USP34: variants seen among roughly 807,000 people sequenced by gnomAD.
USP34 encodes ubiquitin carboxyl-terminal hydrolase 34.
USP34 carries 70 observed loss-of-function variants against 460.3 expected under a neutral mutation model. The observed-to-expected ratio is 0.15, with a 90% CI of 0.13 to 0.19. The LOEUF is 0.19. USP34 is among the 10% of genes least tolerant of loss of function. The pLI, the probability that USP34 is intolerant of heterozygous loss-of-function variation, is 1.00. For synonymous variants in USP34, 1,647 were observed against 1,405.3 expected (o/e 1.17, Z -3.85); for missense variants, 3,985 against 4,236.2 (o/e 0.94, Z 1.65).
chr2:61,395,822 T>G (rs1693505804), intron 3 of USP34, among the ~76,000 whole-genome samples: 1 of 150,664 alleles, frequency 6.6e-6, no homozygotes, highest in African/African-American at 2.4e-5. Context: ...TCCCAGCACT[T>G]TGGGAGGCCG....
intron 39 of USP34, 61 bp downstream of exon 39, chr2:61,280,183 G>A: frequency 1.0e-6 from 1 of 993,202 alleles, no homozygotes; most frequent in Non-Finnish European, 1.5e-6. Context: ...ATGAACATAT[G>A]TCATAATTCA....
Position 61,228,854 on chromosome 2 carries a change from G to A in USP34, c.7341C>T (p.Tyr2447=), listed in dbSNP as rs1158362998. Residue 2447 remains tyrosine, a synonymous_variant, in exon 60 of 80, where the codon TAC becomes TAT. Transcript: ENST00000398571. ...KHLTEYFAFL[Y]EFAKMGEEES... Reference sequence around the variant, plus strand: ...CTTCTTCACCCATTTTTGCAAATTCGTAAAGGAAGGCAAAATACTCTGTAA... The same window carrying A: ...CTTCTTCACCCATTTTTGCAAATTCATAAAGGAAGGCAAAATACTCTGTAA... 12 of 1,595,752 alleles carry A rather than the reference G, an allele frequency of 7.5e-6. No homozygotes were observed. Among genetic ancestry groups the A allele is most frequent in the Admixed American group, 5.3e-5 (3 of 56,218 alleles).
chr2:61,351,697 T>C (rs1691947554), intron 10 of USP34, among the ~76,000 whole-genome samples: 1 of 152,178 alleles, frequency 6.6e-6, no homozygotes, highest in Admixed American at 6.5e-5. Context: ...AGGGTAAATA[T>C]GCACAACCTA....
At chr2:61,225,754 T>C (rs1687707607) in intron 62 of USP34, among the ~76,000 whole-genome samples, 1 of 152,236 alleles carries the variant, frequency 6.6e-6, no homozygotes, top group African/African-American at 2.4e-5. Context: ...TCGATACATT[T>C]ACTTTGTTTT....
chr2:61,329,185 C>CT (rs1004962953), intron 20 of USP34, among the ~76,000 whole-genome samples: 21 of 145,860 alleles, frequency 1.4e-4, no homozygotes, highest in Non-Finnish European at 2.1e-4. Context: ...CCACGCCTGC[C>CT]TTTTTTTTTT....
Position 61,195,742 on chromosome 2 carries a change from T to C in USP34, c.9509-2762A>G, listed in dbSNP as rs142933146. 3.5e-3 allele frequency among the ~76,000 whole-genome samples: 525 copies of C among 152,158 alleles called. 24 individuals carry two copies. In the East Asian group the frequency reaches 0.09, roughly 26 times the overall value. On this transcript the variant is annotated intron_variant, in intron 75 of 79. Transcript: ENST00000398571. ...CAGAGACCTTGTGGCCTGTGGAGTC[T>C]AAAATATATAGTGTCCCCTCTTTGC...
chr2:61,410,050 T>C (rs891117356), intron 2 of USP34, among the ~76,000 whole-genome samples: 3 of 152,076 alleles, frequency 2.0e-5, no homozygotes, highest in Non-Finnish European at 4.4e-5. Context: ...TTCCCAACCT[T>C]TTTGGCAACA....
chr2:61,331,258 C>G lies in USP34; in HGVS notation c.2930+18G>C. The G allele has an allele frequency of 6.3e-7, 1 of 1,586,730 alleles. No individual in the cohort carries two copies. Among genetic ancestry groups the G allele is most frequent in the Non-Finnish European group, 8.6e-7 (1 of 1,161,892 alleles). ...GACATCGACACAAATGTATTTAACC[C>G]AGTTGAGAGGTACTTACAGTGCATG... is the stretch of plus-strand genomic sequence containing the variant. On this transcript the variant is annotated intron_variant, in intron 20 of 79. Transcript: ENST00000398571.
rs1173553641 is a variant in USP34, at chr2:61,220,329, A to G, written c.8028T>C (p.Asn2676=). The G allele has an allele frequency of 1.2e-6, 2 of 1,613,790 alleles. No individual in the cohort carries two copies. Among genetic ancestry groups the G allele is most frequent in the Non-Finnish European group, 1.7e-6 (2 of 1,179,876 alleles). The change falls in exon 67 of 80, where the codon AAT becomes AAC. Residue 2676 remains asparagine (N), a synonymous_variant. Coordinates refer to ENST00000398571, the MANE Select transcript of USP34 (RefSeq NM_014709.4). ...ACTTACAAGTCCTCACTCTAGGATA[A>G]TTGTGAGCCAAAAGAAACCGCTCGA... is the stretch of plus-strand genomic sequence containing the variant. ...NWVERFLLAH[N]YPRVRTSAAY...
intron 75 of USP34, among the ~76,000 whole-genome samples, chr2:61,194,863 G>C (rs1249999968): frequency 6.6e-6 from 1 of 151,816 alleles, no homozygotes; most frequent in Non-Finnish European, 1.5e-5. Context: ...TGACGCAGGA[G>C]AATTGCTTGA....
At chr2:61,198,003 C>T (rs2103754281) in intron 75 of USP34, among the ~76,000 whole-genome samples, 1 of 152,330 alleles carries the variant, frequency 6.6e-6, no homozygotes, top group African/African-American at 2.4e-5. Flanking sequence ...TGGTGATCTG[C>T]CTGCCTCAGC....
intron 10 of USP34, among the ~76,000 whole-genome samples, chr2:61,369,984 A>T (rs200043016): frequency 0.065 from 1,867 of 28,852 alleles, 13 homozygotes; most frequent in South Asian, 0.1. Flanking sequence ...ATGCCTATTT[A>T]AAAAAAAAAA....
At chr2:61,234,464 G>GA (rs1482695622) in intron 57 of USP34, among the ~76,000 whole-genome samples, 1 of 152,142 alleles carries the variant, frequency 6.6e-6, no homozygotes, top group East Asian at 1.9e-4. Context: ...GGCATAAACT[G>GA]ATCTACTGAG....
intron 2 of USP34, among the ~76,000 whole-genome samples, chr2:61,409,031 C>T (rs1693963140): frequency 6.6e-6 from 1 of 151,570 alleles, no homozygotes; most frequent in Admixed American, 6.6e-5. Context: ...ACCAGCCTGA[C>T]CAATACAGCA....
intron 75 of USP34, among the ~76,000 whole-genome samples, chr2:61,194,367 AAG>A (rs1484686484): frequency 1.3e-5 from 2 of 152,240 alleles, no homozygotes; most frequent in Non-Finnish European, 2.9e-5. Context: ...GGCTATAGGG[AAG>A]AGAGTTCCTA....
chr2:61,325,524 G>C, intron 20 of USP34, 67 bp from the exon 21 acceptor site: 1 of 985,494 alleles, frequency 1.0e-6, no homozygotes, highest in African/African-American at 1.7e-5. Flanking sequence ...AAATTTAGTG[G>C]TCCTATGCAT....
chr2:61,249,764 TA>T (rs1213334758), intron 48 of USP34: 28 of 155,038 alleles, frequency 1.8e-4, no homozygotes, highest in Non-Finnish European at 1.2e-4. Flanking sequence ...TTAGCAATAA[TA>T]GGAATGGGGG....
intron 67 of USP34, among the ~76,000 whole-genome samples, chr2:61,215,505 G>A (rs999789910): frequency 2.0e-5 from 3 of 152,198 alleles, no homozygotes; most frequent in African/African-American, 7.2e-5. Context: ...TGAGGAGTTA[G>A]TGACTTATTA....
rs141356628 is a variant in USP34 at position 61,261,150 on chromosome 2, C to T, written c.5779-1374G>A. On this transcript the variant is annotated intron_variant, in intron 43 of 79. Coordinates refer to ENST00000398571, the MANE Select transcript of USP34 (RefSeq NM_014709.4). ...ATTCCCATATGATCCAACAATTCCA[C>T]TTCTGGGTATACACCCAAAAGTAGT... Among the ~76,000 whole-genome samples the T allele has an allele frequency of 2.3e-3, 343 of 152,336 alleles. 1 individual carries two copies. The highest frequency in any genetic ancestry group is 3.7e-3 in the South Asian group (18 of 4,830).
Sources: gnomAD v4.1 joint callset for allele counts (sites outside exome capture counted in the v4.1 genomes callset) on GRCh38, gnomAD v4.1.1 for gene constraint, MANE v1.5 for transcripts, NCBI Gene and HGNC (gene_info 2026-07-23, HGNC 2026-07-21) for gene names.